The following EPS8 variants were observed in gnomAD, a reference collection of about 807,000 sequenced individuals.
The protein encoded by EPS8 is epidermal growth factor receptor kinase substrate 8.
EPS8 carries 42 observed loss-of-function variants against 103.8 expected under a neutral mutation model. The observed-to-expected ratio is 0.40, with a 90% CI of 0.32 to 0.52. The LOEUF (loss-of-function observed/expected upper bound fraction) is 0.52. Ranked by LOEUF, EPS8 falls within the 20% of genes least tolerant of loss-of-function variation. The pLI is 0.40. For missense variants in EPS8, 969 were observed against 1,005.1 expected, an observed-to-expected ratio of 0.96 and a Z score of 0.49; for synonymous variants, 344 against 344.6, an observed-to-expected ratio of 1.00 and a Z score of 0.02.
At chr12:15,637,326 G>A (rs1945153555) in intron 17 of EPS8, among the ~76,000 whole-genome samples, 1 of 152,216 alleles carries the variant, frequency 6.6e-6, no homozygotes, top group African/African-American at 2.4e-5. Context: ...CACCCGAAAT[G>A]AGAACCTTTT....
At chr12:15,637,670 T>C (rs986377115) in intron 17 of EPS8, among the ~76,000 whole-genome samples, 6 of 152,216 alleles carry the variant, frequency 3.9e-5, no homozygotes, top group African/African-American at 1.4e-4. Flanking sequence ...GGCAGCATGG[T>C]GCAGGAATCT....
In EPS8 at chr12:15,787,375, G is replaced by A. The variant is rs1376874795; in HGVS notation, c.-22+1786C>T. Among the ~76,000 whole-genome samples, 1 of 152,038 alleles carries A rather than the reference G, an allele frequency of 6.6e-6. No homozygotes were observed. The highest frequency in any genetic ancestry group is 6.5e-5 in the Admixed American group (1 of 15,278). On this transcript the variant is annotated intron_variant, in intron 1 of 20. Coordinates refer to ENST00000281172, the MANE Select transcript of EPS8 (RefSeq NM_004447.6). The surrounding 1 kb of genome is among the most constrained non-coding windows in gnomAD (Gnocchi z 4.9). ...AGTATTGATAAAACCTTGAAAGCAGGAAAAAGCTAGAAATAAAAACAAAAT... is the reference window on the plus strand; with the variant it reads ...AGTATTGATAAAACCTTGAAAGCAGAAAAAAGCTAGAAATAAAAACAAAAT...
At chr12:15,755,236 T>G (rs185056551) in intron 1 of EPS8, among the ~76,000 whole-genome samples, 2 of 152,348 alleles carry the variant, frequency 1.3e-5, no homozygotes, top group East Asian at 3.9e-4. Flanking sequence ...TTGAAAGTAT[T>G]CATCTTGAGA....
In EPS8 at chr12:15,731,704, A is replaced by G. The variant is rs1009920251; in HGVS notation, c.-21-48732T>C. 1.3e-5 allele frequency among the ~76,000 whole-genome samples: 2 copies of G among 152,230 alleles called. No individual in the cohort carries two copies. Among genetic ancestry groups the G allele is most frequent in the African/African-American group, 4.8e-5 (2 of 41,472 alleles). On this transcript the variant is annotated intron_variant, in intron 1 of 20. Coordinates refer to ENST00000281172, the MANE Select transcript of EPS8 (RefSeq NM_004447.6). This position sits in a 1 kb window ranked among gnomAD's most constrained non-coding sequence, Gnocchi z 5.1. ...GAAGATTTTTTTCTAGTATTCTTGC[A>G]TAAAAATATTTCATTTTGTCTTCGT...
chr12:15,641,823 C>G lies in EPS8; in HGVS notation c.1576G>C (p.Glu526Gln). 6.5e-7 allele frequency: 1 copy of G among 1,532,930 alleles called. No homozygotes were observed. Among genetic ancestry groups the G allele is most frequent in the South Asian group, 1.2e-5 (1 of 81,974 alleles). 95.0% of individuals were successfully genotyped at this position (1,532,930 alleles called of 1,614,324 possible). A position where few individuals can be genotyped will look rare whatever the true frequency, so the allele number is the denominator to read the frequency against. ...TSNRHIDRNY[E>Q]PLKTQPKKYA... The stretch of plus-strand genomic sequence containing the variant: ...TTCTTGGGTTGTGTTTTGAGTGGTT[C>G]ATAATTTCTATAAAAAGAAAGAAAA... Residue 526 changes from glutamate (E) to glutamine (Q), a missense_variant, in exon 16 of 21, where the codon GAA (glutamate) becomes CAA (glutamine). Physicochemically the swap from Glu to Gln is conservative, Grantham distance 29. Coordinates refer to ENST00000281172, the MANE Select transcript of EPS8 (RefSeq NM_004447.6).
rs1330893515 is a variant in EPS8 at position 15,704,162 on chromosome 12, C to A, written c.-21-21190G>T. Among the ~76,000 whole-genome samples the A allele has an allele frequency of 6.6e-6, 1 of 151,946 alleles. No individual in the cohort carries two copies. The highest frequency in any genetic ancestry group is 1.5e-5 in the Non-Finnish European group (1 of 67,974). On this transcript the variant is annotated intron_variant, in intron 1 of 20. Transcript: ENST00000281172. This position sits in a 1 kb window ranked among gnomAD's most constrained non-coding sequence, Gnocchi z 4.6. The stretch of plus-strand genomic sequence containing the variant: ...TTAATGGTGTAGTCATTGTGGAAAA[C>A]AGTATGGCAGCTCCTCAAAAAAATC...
chr12:15,633,354 C>T (rs560359654), intron 17 of EPS8, among the ~76,000 whole-genome samples: 27 of 152,282 alleles, frequency 1.8e-4, no homozygotes, highest in Admixed American at 5.9e-4. Flanking sequence ...GTCCTCTGCA[C>T]GTAATTTCAT....
At chr12:15,661,517 A>G (rs1349159067) in intron 9 of EPS8, among the ~76,000 whole-genome samples, 1 of 152,182 alleles carries the variant, frequency 6.6e-6, no homozygotes, top group Non-Finnish European at 1.5e-5. Flanking sequence ...AAATGCTATA[A>G]TAAAGCATTT....
chr12:15,665,956 C>T (rs996830102), intron 7 of EPS8, 64 bp from the exon 8 acceptor site: 16 of 1,513,128 alleles, frequency 1.1e-5, no homozygotes, highest in African/African-American at 1.4e-5. Flanking sequence ...TCAATTAACT[C>T]AACTTGTGGT....
chr12:15,766,197 G>T (rs1431222938), intron 1 of EPS8, among the ~76,000 whole-genome samples: 1 of 151,642 alleles, frequency 6.6e-6, no homozygotes, highest in Non-Finnish European at 1.5e-5. Flanking sequence ...GGAAGTTTTG[G>T]CCTGGCGCAG....
Position 15,688,454 on chromosome 12 carries a change from GTTGCATTTCCCAAGACCAGCCTGGCTTGC to G in EPS8, c.-21-5511_-21-5483del, listed in dbSNP as rs1350148139. Among the ~76,000 whole-genome samples, 1 of 152,144 alleles carries G rather than the reference GTTGCATTTCCCAAGACCAGCCTGGCTTGC, an allele frequency of 6.6e-6. No individual in the cohort carries two copies. The highest frequency in any genetic ancestry group is 1.9e-4 in the East Asian group (1 of 5,180). On this transcript the variant is annotated intron_variant, in intron 1 of 20. Transcript: ENST00000281172. This position sits in a 1 kb window ranked among gnomAD's most constrained non-coding sequence, Gnocchi z 5.1. ...GGCATTTTTGTTTTCCTGCCCAAAT[GTTGCATTTCCCAAGACCAGCCTGGCTTGC>G]CACGCCCCCATTTTGTGCCTATAAA... is the stretch of plus-strand genomic sequence containing the variant.
rs1298610818 is a variant in EPS8, at chr12:15,684,776, AAGCTT to A, written c.-21-1809_-21-1805del. On this transcript the variant is annotated intron_variant, in intron 1 of 20. Transcript: ENST00000281172. This position sits in a 1 kb window ranked among gnomAD's most constrained non-coding sequence, Gnocchi z 4.9. ...CCCTCAAAACACTGGACTTTAATTT[AAGCTT>A]TCCTATCCACTGCTTAAAAGCACAT... 6.6e-6 allele frequency among the ~76,000 whole-genome samples: 1 copy of A among 152,246 alleles called. No individual in the cohort carries two copies. The highest frequency in any genetic ancestry group is 1.5e-5 in the Non-Finnish European group (1 of 68,030).
Position 15,700,651 on chromosome 12 carries a change from G to A in EPS8, c.-21-17679C>T, listed in dbSNP as rs1448381697. The stretch of plus-strand genomic sequence containing the variant: ...AACCAATGAAGGCACTGCTCTTAGT[G>A]TAGCCATGTATCAATGATGATTTTA... On this transcript the variant is annotated intron_variant, in intron 1 of 20. Coordinates refer to ENST00000281172, the MANE Select transcript of EPS8 (RefSeq NM_004447.6). This position sits in a 1 kb window ranked among gnomAD's most constrained non-coding sequence, Gnocchi z 5.1. Among the ~76,000 whole-genome samples the A allele has an allele frequency of 2.0e-5, 3 of 152,194 alleles. No individual in the cohort carries two copies. Among genetic ancestry groups the A allele is most frequent in the Non-Finnish European group, 4.4e-5 (3 of 68,028 alleles).
In EPS8 at chr12:15,640,729, C is replaced by T; in HGVS notation, c.1795G>A (p.Asp599Asn). The T allele has an allele frequency of 1.2e-6, 2 of 1,613,950 alleles. 1 individual carries two copies. ...RPPESGLGRA[D>N]PPYTHTIQKQ... Reference sequence around the variant, plus strand: ...TGTATAGTATGAGTATAAGGTGGATCAGCACGCCCCAATCCAGATTCTGGA... The same window carrying T: ...TGTATAGTATGAGTATAAGGTGGATTAGCACGCCCCAATCCAGATTCTGGA... Residue 599 changes from aspartate (D) to asparagine (N), a missense_variant, in exon 17 of 21, where the codon GAT (aspartate) becomes AAT (asparagine). Coordinates refer to ENST00000281172, the MANE Select transcript of EPS8 (RefSeq NM_004447.6).
chr12:15,666,306 G>T (rs1221324342), intron 7 of EPS8, 134 bp downstream of exon 7: 1 of 652,288 alleles, frequency 1.5e-6, no homozygotes, highest in East Asian at 2.9e-5. Flanking sequence ...GAGAACAAAT[G>T]TGTTGAGACT....
At chr12:15,739,581 T>C (rs1946799387) in intron 1 of EPS8, among the ~76,000 whole-genome samples, 1 of 152,116 alleles carries the variant, frequency 6.6e-6, no homozygotes, top group Non-Finnish European at 1.5e-5. Flanking sequence ...CCTTGGATGT[T>C]AGAACTCCAG....
At position 15,748,212 on chromosome 12, in the gene EPS8, A is replaced by G. The variant is rs955574811; in HGVS notation, c.-22+40949T>C. Among the ~76,000 whole-genome samples, 1 of 152,198 alleles carries G rather than the reference A, an allele frequency of 6.6e-6. No homozygotes were observed. Reference sequence around the variant, plus strand: ...TCATAATACCAACCTTGTCTACTGCATAAGATCACTGAGAAGCAAATGATA... The same window carrying G: ...TCATAATACCAACCTTGTCTACTGCGTAAGATCACTGAGAAGCAAATGATA... On this transcript the variant is annotated intron_variant, in intron 1 of 20. Transcript: ENST00000281172. This position sits in a 1 kb window ranked among gnomAD's most constrained non-coding sequence, Gnocchi z 4.8.
Position 15,738,936 on chromosome 12 carries a change from C to A in EPS8, c.-22+50225G>T, listed in dbSNP as rs1946792632. On this transcript the variant is annotated intron_variant, in intron 1 of 20. Coordinates refer to ENST00000281172, the MANE Select transcript of EPS8 (RefSeq NM_004447.6). The surrounding 1 kb of genome is among the most constrained non-coding windows in gnomAD (Gnocchi z 6.2). ...TGAGACACGACTCTCAAGAGACTTT[C>A]ATTTGGTCTTATTCTGACCCCTTAG... 6.6e-6 allele frequency among the ~76,000 whole-genome samples: 1 copy of A among 152,194 alleles called. No homozygotes were observed. The highest frequency in any genetic ancestry group is 2.4e-5 in the African/African-American group (1 of 41,452).
chr12:15,723,203 C>T (rs1035579926), intron 1 of EPS8, among the ~76,000 whole-genome samples: 2 of 151,930 alleles, frequency 1.3e-5, no homozygotes, highest in Non-Finnish European at 2.9e-5. Flanking sequence ...TTCAGCTATC[C>T]GGAAGGCTGC....
Sources: allele counts gnomAD v4.1 joint callset (sites outside exome capture counted in the v4.1 genomes callset), GRCh38; gene constraint gnomAD v4.1.1; non-coding constraint Gnocchi (gnomAD v3.1); transcripts MANE v1.5; gene names NCBI Gene and HGNC (gene_info 2026-07-23, HGNC 2026-07-21).